The following DPP10 variants were observed in gnomAD, a reference collection of about 807,000 sequenced individuals.
The protein encoded by DPP10 is inactive dipeptidyl peptidase 10.
A neutral mutation model predicts 120.9 loss-of-function variants in DPP10; 33 were observed. That is an observed-to-expected ratio of 0.27 (90% CI 0.21 to 0.37). The LOEUF is 0.37. DPP10 is among the 10% of genes least tolerant of loss of function. The pLI, the probability that DPP10 is intolerant of heterozygous loss-of-function variation, is 1.00. For missense variants in DPP10, 816 were observed against 942.8 expected (o/e 0.87, Z 1.76); for synonymous variants, 337 against 326.1 (o/e 1.03, Z -0.36).
At chr2:115,243,231 T>C (rs2058371440) in intron 1 of DPP10, among the ~76,000 whole-genome samples, 1 of 152,186 alleles carries the variant, frequency 6.6e-6, no homozygotes, top group Non-Finnish European at 1.5e-5. Context: ...ATTTTTGTTT[T>C]AATTGTAGCA....
At chr2:115,621,311 A>C (rs948639877) in intron 5 of DPP10, among the ~76,000 whole-genome samples, 3 of 152,208 alleles carry the variant, frequency 2.0e-5, no homozygotes, top group African/African-American at 7.2e-5. Flanking sequence ...CTTCTATTAT[A>C]AAATATTACA....
At chr2:114,504,250 CATCTT>C (rs1362828968) in intron 1 of DPP10, among the ~76,000 whole-genome samples, 3 of 152,196 alleles carry the variant, frequency 2.0e-5, no homozygotes, top group Non-Finnish European at 4.4e-5. Flanking sequence ...ATTTCCAACT[CATCTT>C]ATATGTTACT....
chr2:115,766,338 G>C (rs28412928), intron 12 of DPP10, among the ~76,000 whole-genome samples: 1 of 84,878 alleles, frequency 1.2e-5, no homozygotes, highest in Non-Finnish European at 2.2e-5. Context: ...ATATATATAT[G>C]TATATATATA....
intron 1 of DPP10, among the ~76,000 whole-genome samples, chr2:115,029,886 A>G (rs1355473123): frequency 6.6e-6 from 1 of 152,194 alleles, no homozygotes; most frequent in Non-Finnish European, 1.5e-5. Flanking sequence ...ACTCCACTCA[A>G]TGACCTGTGA....
At chr2:115,268,187 C>T (rs1273557008) in intron 1 of DPP10, among the ~76,000 whole-genome samples, 4 of 152,182 alleles carry the variant, frequency 2.6e-5, no homozygotes, top group Non-Finnish European at 5.9e-5. Flanking sequence ...CAGACTCCTA[C>T]TAGCTCTTTG....
chr2:115,610,694 T>C (rs1280462735), intron 5 of DPP10, among the ~76,000 whole-genome samples: 1 of 152,182 alleles, frequency 6.6e-6, no homozygotes, highest in African/African-American at 2.4e-5. Flanking sequence ...ATTTGTTTAC[T>C]TTGTTATTAT....
At position 115,092,015 on chromosome 2, in the gene DPP10, G is replaced by A. The variant is rs143962855; in HGVS notation, c.61-217224G>A. Reference sequence around the variant, plus strand: ...CCTACTGAGTGCACACACCGTGCCAGGTAGTCTGCTAAGGGCTTCAGTGCA... The same window carrying A: ...CCTACTGAGTGCACACACCGTGCCAAGTAGTCTGCTAAGGGCTTCAGTGCA... On this transcript the variant is annotated intron_variant, in intron 1 of 25. Transcript: ENST00000410059. Among the ~76,000 whole-genome samples, 11 of 152,296 alleles carry A rather than the reference G, an allele frequency of 7.2e-5. No homozygotes were observed. In the East Asian group the frequency reaches 2.1e-3, roughly 29 times the overall value.
At position 115,286,513 on chromosome 2, in the gene DPP10, A is replaced by AATAT. The variant is rs70941041; in HGVS notation, c.61-22716_61-22713dup. On this transcript the variant is annotated intron_variant, in intron 1 of 25. Transcript: ENST00000410059. ...TATAATATATATATATTACATATAT[A>AATAT]ATATATATATATAATATATATATAT... 1.0e-4 allele frequency among the ~76,000 whole-genome samples: 4 copies of AATAT among 38,526 alleles called. 1 individual carries two copies. Among genetic ancestry groups the AATAT allele is most frequent in the Non-Finnish European group, 2.5e-4 (4 of 16,150 alleles). The allele number at this position is 38,526 out of a possible 152,430, so 25.3% of individuals were successfully genotyped here.
intron 1 of DPP10, among the ~76,000 whole-genome samples, chr2:115,087,829 C>T (rs774196080): frequency 7.2e-5 from 11 of 152,116 alleles, no homozygotes; most frequent in Non-Finnish European, 1.6e-4. Flanking sequence ...GCTGGGATTA[C>T]AGGCATGAGT....
In DPP10 at chr2:115,172,267, C is replaced by A. The variant is rs2053405280; in HGVS notation, c.61-136972C>A. Among the ~76,000 whole-genome samples the A allele has an allele frequency of 2.0e-5, 3 of 152,034 alleles. No individual in the cohort carries two copies. The South Asian group carries it at 6.2e-4, about 32-fold the overall frequency. ...GGCGTGGTGGTGGGTGCCTGTAGTC[C>A]CAGCTACTCCGGAGGCTGAGGCAGG... On this transcript the variant is annotated intron_variant, in intron 1 of 25. Transcript: ENST00000410059.
chr2:114,544,300 A>G (rs1255932188), intron 1 of DPP10, among the ~76,000 whole-genome samples: 2 of 152,184 alleles, frequency 1.3e-5, no homozygotes, highest in African/African-American at 4.8e-5. Flanking sequence ...CGAGGCAAGA[A>G]CGCTTCAGAT....
intron 3 of DPP10, among the ~76,000 whole-genome samples, chr2:115,456,343 T>A (rs1170203268): frequency 6.6e-6 from 1 of 152,112 alleles, no homozygotes; most frequent in Non-Finnish European, 1.5e-5. Context: ...GAAATAGGAA[T>A]GCTTTTACGC....
chr2:115,103,381 G>T (rs1344034036), intron 1 of DPP10, among the ~76,000 whole-genome samples: 1 of 151,950 alleles, frequency 6.6e-6, no homozygotes, highest in African/African-American at 2.4e-5. Flanking sequence ...GTACAGGCGG[G>T]GTTTCACCAT....
At chr2:115,764,677 A>G (rs1387466487) in intron 12 of DPP10, among the ~76,000 whole-genome samples, 1 of 152,164 alleles carries the variant, frequency 6.6e-6, no homozygotes. Context: ...AATGTTTAAT[A>G]GAAACTTTTT....
chr2:115,655,662 A>G (rs1183211172), intron 5 of DPP10, among the ~76,000 whole-genome samples: 2 of 151,650 alleles, frequency 1.3e-5, no homozygotes, highest in African/African-American at 2.4e-5. Flanking sequence ...CTTCAAATTT[A>G]TAATTCTTAT....
chr2:115,523,370 A>T (rs540559802), intron 4 of DPP10, among the ~76,000 whole-genome samples: 1 of 133,104 alleles, frequency 7.5e-6, no homozygotes, highest in African/African-American at 2.9e-5. Context: ...CTTCAAATTA[A>T]TTCAGACTTT....
chr2:114,563,370 CA>C (rs72023983), intron 1 of DPP10, among the ~76,000 whole-genome samples: 2,984 of 105,258 alleles, frequency 0.028, 48 homozygotes, highest in South Asian at 0.08. Context: ...GACTCCATCT[CA>C]AAAAAAAAAA....
chr2:115,751,803 G>GT (rs5833628), intron 10 of DPP10, among the ~76,000 whole-genome samples: 1,096 of 103,414 alleles, frequency 0.011, 9 homozygotes, highest in African/African-American at 0.025. Context: ...TTTTTTTGTT[G>GT]TTTTTTTTTT....
At chr2:114,531,156 G>A (rs1685943851) in intron 1 of DPP10, among the ~76,000 whole-genome samples, 2 of 152,102 alleles carry the variant, frequency 1.3e-5, no homozygotes, top group African/African-American at 4.8e-5. Flanking sequence ...CATTTACTGA[G>A]CACCTCTTAT....
Sources: allele counts gnomAD v4.1 joint callset (sites outside exome capture counted in the v4.1 genomes callset), GRCh38; gene constraint gnomAD v4.1.1; transcripts MANE v1.5; gene names NCBI Gene and HGNC (gene_info 2026-07-23, HGNC 2026-07-21).